The following RMST variants were observed in gnomAD, a reference collection of about 807,000 sequenced individuals.
RMST encodes the protein rhabdomyosarcoma 2 associated transcript, also known as long intergenic non-protein coding RNA 54.
chr12:97,560,377 G>T (rs748233559), intron 11 of RMST, among the ~76,000 whole-genome samples: 2 of 152,130 alleles, frequency 1.3e-5, no homozygotes, highest in African/African-American at 4.8e-5. Context: ...AAGCAGCTGC[G>T]TTTTTGTAAA....
intron 5 of RMST, among the ~76,000 whole-genome samples, chr12:97,481,565 T>C (rs1875284444): frequency 6.6e-6 from 1 of 152,196 alleles, no homozygotes. Context: ...TGCTGAGCTT[T>C]GCTGTCCCCA....
intron 11 of RMST, among the ~76,000 whole-genome samples, chr12:97,558,599 T>C (rs956252470): frequency 6.6e-6 from 1 of 152,232 alleles, no homozygotes; most frequent in African/African-American, 2.4e-5. Context: ...GAGTTTTTTT[T>C]TCTTCTATTT....
intron 5 of RMST, among the ~76,000 whole-genome samples, chr12:97,485,536 C>T (rs1875988684): frequency 6.6e-6 from 1 of 152,182 alleles, no homozygotes; most frequent in African/African-American, 2.4e-5. Flanking sequence ...TCTTGACTGA[C>T]TTGCTTGTTA....
chr12:97,543,034 T>A (rs1236978166), intron 11 of RMST, among the ~76,000 whole-genome samples: 4 of 152,052 alleles, frequency 2.6e-5, no homozygotes, highest in Non-Finnish European at 5.9e-5. Flanking sequence ...TATATCCTCG[T>A]GGTGCATTCA....
At chr12:97,543,526 A>G (rs991794274) in intron 11 of RMST, among the ~76,000 whole-genome samples, 5 of 152,020 alleles carry the variant, frequency 3.3e-5, no homozygotes, top group African/African-American at 9.7e-5. Context: ...TAATGAAATC[A>G]TATTTAATTC....
chr12:97,466,600 ACT>A (rs1239489308), intron 5 of RMST, among the ~76,000 whole-genome samples: 1 of 152,022 alleles, frequency 6.6e-6, no homozygotes, highest in Non-Finnish European at 1.5e-5. Flanking sequence ...GATTAAATTC[ACT>A]CTCTGAAGAA....
At chr12:97,480,779 A>G (rs986094080) in intron 5 of RMST, among the ~76,000 whole-genome samples, 1 of 152,068 alleles carries the variant, frequency 6.6e-6, no homozygotes, top group African/African-American at 2.4e-5. Flanking sequence ...CATACTGTCT[A>G]CTTTGCCTCT....
chr12:97,473,551 C>T (rs1230327398), intron 5 of RMST, among the ~76,000 whole-genome samples: 1 of 152,094 alleles, frequency 6.6e-6, no homozygotes, highest in Non-Finnish European at 1.5e-5. Context: ...AGAAGATAGG[C>T]TAACACATTC....
intron 11 of RMST, among the ~76,000 whole-genome samples, chr12:97,538,510 T>C (rs181645863): frequency 6.6e-6 from 1 of 151,390 alleles, no homozygotes; most frequent in Non-Finnish European, 1.5e-5. Context: ...GAAGAAATAA[T>C]GGACCCATCT....
chr12:97,469,706 A>T (rs1271434733), intron 5 of RMST, among the ~76,000 whole-genome samples: 6 of 152,048 alleles, frequency 3.9e-5, no homozygotes, highest in Non-Finnish European at 7.4e-5. Context: ...CATATTATTG[A>T]GCCTCTGTAA....
At chr12:97,470,208 A>G (rs1873736616) in intron 5 of RMST, among the ~76,000 whole-genome samples, 1 of 152,114 alleles carries the variant, frequency 6.6e-6, no homozygotes, top group Admixed American at 6.6e-5. Flanking sequence ...AGTTGCAACA[A>G]CTAAGATGAT....
intron 10 of RMST, among the ~76,000 whole-genome samples, chr12:97,517,443 A>C (rs1880048591): frequency 6.6e-6 from 1 of 151,962 alleles, no homozygotes; most frequent in South Asian, 2.1e-4. Context: ...CCCTATCTTC[A>C]CTTCTTTTTC....
chr12:97,535,900 C>T (rs1201580323), intron 11 of RMST, among the ~76,000 whole-genome samples: 5 of 151,582 alleles, frequency 3.3e-5, no homozygotes, highest in Non-Finnish European at 5.9e-5. Context: ...AGACAGAAGA[C>T]ATTTTCCTCC....
chr12:97,543,440 CCT>C (rs1882706172), intron 11 of RMST, among the ~76,000 whole-genome samples: 1 of 151,864 alleles, frequency 6.6e-6, no homozygotes, highest in Admixed American at 6.6e-5. Context: ...ATTTTTCTGC[CCT>C]GTTTAATACT....
intron 5 of RMST, among the ~76,000 whole-genome samples, chr12:97,467,544 A>T (rs1313117628): frequency 6.6e-6 from 1 of 152,034 alleles, no homozygotes; most frequent in Non-Finnish European, 1.5e-5. Context: ...GTAATTTTTT[A>T]GAGAAGTAAA....
Position 97,546,864 on chromosome 12 carries a change from T to C in RMST, n.1546-13673T>C, listed in dbSNP as rs114937080. 4.7e-3 allele frequency among the ~76,000 whole-genome samples: 721 copies of C among 152,144 alleles called. 6 individuals carry two copies. The highest frequency in any genetic ancestry group is 0.017 in the African/African-American group (695 of 41,526). On this transcript the variant is annotated intron_variant and non_coding_transcript_variant, in intron 11 of 13. Coordinates refer to ENST00000640149, the Ensembl canonical transcript of RMST. The stretch of plus-strand genomic sequence containing the variant: ...GATTTTTCAGGCATACAATTAACTA[T>C]AGTCACCATATTGTACAGTAGGTCT...
At chr12:97,529,374 T>C (rs1266997401) in intron 10 of RMST, among the ~76,000 whole-genome samples, 3 of 152,112 alleles carry the variant, frequency 2.0e-5, no homozygotes, top group Non-Finnish European at 2.9e-5. Context: ...GAATTATTAA[T>C]ATAGTGCACC....
intron 11 of RMST, among the ~76,000 whole-genome samples, chr12:97,555,637 A>G (rs1883651719): frequency 1.3e-5 from 2 of 152,208 alleles, no homozygotes; most frequent in Admixed American, 6.5e-5. Flanking sequence ...ACAAAATAAG[A>G]GAGATTTTCA....
intron 5 of RMST, among the ~76,000 whole-genome samples, chr12:97,475,545 T>A (rs1874435090): frequency 6.6e-6 from 1 of 151,954 alleles, no homozygotes; most frequent in South Asian, 2.1e-4. Context: ...AAATAAGGAT[T>A]ATAATAACGA....
Sources: gnomAD v4.1 joint callset for allele counts (sites outside exome capture counted in the v4.1 genomes callset) on GRCh38, gnomAD v4.1.1 for gene constraint, MANE v1.5 for transcripts, NCBI Gene and HGNC (gene_info 2026-07-23, HGNC 2026-07-21) for gene names.